The following NALF1 variants were observed in gnomAD, a reference collection of about 807,000 sequenced individuals.
The protein encoded by NALF1 is NALCN channel auxiliary factor 1, also known as family with sequence similarity 155 member A.
NALF1 carries 3 observed loss-of-function variants against 48.4 expected under a neutral mutation model. The ratio of observed to expected loss-of-function variants is 0.06; its 90% CI spans 0.03 to 0.16. The LOEUF (loss-of-function observed/expected upper bound fraction) is 0.16. Ranked by LOEUF, NALF1 falls within the 10% of genes least tolerant of loss-of-function variation. The pLI, the probability that NALF1 is intolerant of heterozygous loss-of-function variation, is 1.00. For synonymous variants in NALF1, 262 were observed against 245.7 expected (o/e 1.07, Z -0.62); for missense variants, 526 against 571.5 (o/e 0.92, Z 0.81).
intron 1 of NALF1, among the ~76,000 whole-genome samples, chr13:107,697,914 A>C (rs1335756185): frequency 1.3e-5 from 2 of 152,140 alleles, no homozygotes; most frequent in Non-Finnish European, 2.9e-5. Flanking sequence ...ATATGGGGGA[A>C]AGTTCTCCTC....
At chr13:107,585,170 ACTC>A (rs145332720) in intron 1 of NALF1, among the ~76,000 whole-genome samples, 2,208 of 152,226 alleles carry the variant, frequency 0.015, 51 homozygotes, top group African/African-American at 0.05. Context: ...TCCAAAATAT[ACTC>A]CTAATAATCA....
intron 1 of NALF1, among the ~76,000 whole-genome samples, chr13:107,352,993 CAA>C (rs1882903023): frequency 6.6e-6 from 1 of 152,060 alleles, no homozygotes; most frequent in South Asian, 2.1e-4. Context: ...AGGGCAACCC[CAA>C]GAGACTTCCT....
At position 107,785,707 on chromosome 13, in the gene NALF1, G is replaced by C. The variant is rs1470239068; in HGVS notation, c.915+79975C>G. 2.0e-5 allele frequency among the ~76,000 whole-genome samples: 3 copies of C among 152,182 alleles called. 1 individual carries two copies. The highest frequency in any genetic ancestry group is 1.3e-4 in the Admixed American group (2 of 15,272). On this transcript the variant is annotated intron_variant, in intron 1 of 2. Transcript: ENST00000375915. The stretch of plus-strand genomic sequence containing the variant: ...CCAATAACCTGTGGGATAAAAAAGA[G>C]ATTGCTCCAGTGAGATGCAAATAAA...
chr13:107,697,027 T>C (rs1226756088), intron 1 of NALF1, among the ~76,000 whole-genome samples: 1 of 152,160 alleles, frequency 6.6e-6, no homozygotes, highest in Non-Finnish European at 1.5e-5. Flanking sequence ...AAGTAGCTAT[T>C]GTGTTTAATG....
At chr13:107,716,524 A>G (rs1012760492) in intron 1 of NALF1, among the ~76,000 whole-genome samples, 1 of 152,168 alleles carries the variant, frequency 6.6e-6, no homozygotes, top group African/African-American at 2.4e-5. Context: ...TTACAGACAA[A>G]TTTGTTGGGC....
At chr13:107,383,153 TC>T (rs1260640652) in intron 1 of NALF1, among the ~76,000 whole-genome samples, 1 of 152,186 alleles carries the variant, frequency 6.6e-6, no homozygotes, top group Non-Finnish European at 1.5e-5. Flanking sequence ...GTTTGCAAGA[TC>T]CCTGCAGCTT....
At chr13:107,178,828 G>C (rs1024280464) in intron 2 of NALF1, among the ~76,000 whole-genome samples, 14 of 151,830 alleles carry the variant, frequency 9.2e-5, no homozygotes, top group African/African-American at 1.5e-4. Context: ...GCCTGTAGTC[G>C]CAGCTACTCG....
intron 1 of NALF1, among the ~76,000 whole-genome samples, chr13:107,425,573 C>A (rs1426867447): frequency 6.6e-6 from 1 of 151,982 alleles, no homozygotes; most frequent in Non-Finnish European, 1.5e-5. Flanking sequence ...TATCCATGTA[C>A]TATGATATCA....
intron 1 of NALF1, among the ~76,000 whole-genome samples, chr13:107,626,003 G>T (rs1433899812): frequency 6.6e-6 from 1 of 152,022 alleles, no homozygotes; most frequent in South Asian, 2.1e-4. Flanking sequence ...TATTTTAAAA[G>T]AAGTATTCAT....
intron 1 of NALF1, among the ~76,000 whole-genome samples, chr13:107,599,756 T>C (rs1878870208): frequency 6.6e-6 from 1 of 152,210 alleles, no homozygotes; most frequent in Non-Finnish European, 1.5e-5. Context: ...AAGCTAAAAA[T>C]ATTAATTATC....
At chr13:107,175,071 A>G (rs1878896057) in intron 2 of NALF1, among the ~76,000 whole-genome samples, 1 of 111,314 alleles carries the variant, frequency 9.0e-6, no homozygotes, top group Non-Finnish European at 1.8e-5. Flanking sequence ...TTGTATTTTT[A>G]GTAGAGACGG....
At chr13:107,504,205 T>C (rs1184913704) in intron 1 of NALF1, among the ~76,000 whole-genome samples, 2 of 147,942 alleles carry the variant, frequency 1.4e-5, no homozygotes, top group Non-Finnish European at 3.0e-5. Flanking sequence ...GAGCTGAGAT[T>C]GCACCATTGC....
chr13:107,357,542 C>G (rs1339728954), intron 1 of NALF1, among the ~76,000 whole-genome samples: 1 of 152,044 alleles, frequency 6.6e-6, no homozygotes, highest in Non-Finnish European at 1.5e-5. Context: ...ACAACAAAAC[C>G]AAACCTTACA....
At chr13:107,800,651 T>C (rs977157617) in intron 1 of NALF1, among the ~76,000 whole-genome samples, 2 of 139,418 alleles carry the variant, frequency 1.4e-5, no homozygotes, top group African/African-American at 3.0e-5. Context: ...ATAAGATATA[T>C]AATATATAAT....
chr13:107,357,174 C>G (rs12431189), intron 1 of NALF1, among the ~76,000 whole-genome samples: 29,411 of 152,104 alleles, frequency 0.19, 3,087 homozygotes, highest in East Asian at 0.41. Flanking sequence ...TTAATTGACT[C>G]CCAGTTCCAC....
chr13:107,602,867 C>T (rs1253330077), intron 1 of NALF1, among the ~76,000 whole-genome samples: 1 of 152,144 alleles, frequency 6.6e-6, no homozygotes, highest in African/African-American at 2.4e-5. Context: ...ATTATAAATA[C>T]ATCCATATAT....
intron 1 of NALF1, among the ~76,000 whole-genome samples, chr13:107,232,088 G>T (rs1240773148): frequency 6.6e-6 from 1 of 152,180 alleles, no homozygotes; most frequent in Non-Finnish European, 1.5e-5. Context: ...GGCAGGTCTG[G>T]GAAGAATGGA....
At chr13:107,728,303 C>T (rs368857066) in intron 1 of NALF1, among the ~76,000 whole-genome samples, 6 of 152,210 alleles carry the variant, frequency 3.9e-5, no homozygotes, top group African/African-American at 1.4e-4. Context: ...CAATGATAGA[C>T]TGGATAAAGA....
At chr13:107,368,150 G>T (rs1364703946) in intron 1 of NALF1, among the ~76,000 whole-genome samples, 6 of 151,900 alleles carry the variant, frequency 3.9e-5, no homozygotes, top group Non-Finnish European at 8.8e-5. Flanking sequence ...TTGCATCTAG[G>T]AAACAAAGGG....
Sources: gnomAD v4.1 joint callset for allele counts (sites outside exome capture counted in the v4.1 genomes callset) on GRCh38, gnomAD v4.1.1 for gene constraint, MANE v1.5 for transcripts, NCBI Gene and HGNC (gene_info 2026-07-23, HGNC 2026-07-21) for gene names.